The following ENAH variants were observed in gnomAD, a reference collection of about 807,000 sequenced individuals.
ENAH encodes ENAH actin regulator.
ENAH carries 23 observed loss-of-function variants against 78.7 expected under a neutral mutation model. The ratio of observed to expected loss-of-function variants is 0.29; its 90% CI spans 0.21 to 0.41. The LOEUF (loss-of-function observed/expected upper bound fraction) is 0.41. Among genes scored for constraint, ENAH ranks in the 10% least tolerant of loss-of-function variants. The pLI is 1.00. For missense variants in ENAH, 544 were observed against 691.0 expected, an observed-to-expected ratio of 0.79 and a Z score of 2.39; for synonymous variants, 226 against 241.0, an observed-to-expected ratio of 0.94 and a Z score of 0.58.
intron 1 of ENAH, among the ~76,000 whole-genome samples, chr1:225,588,800 T>TC (rs2096860390): frequency 2.3e-5 from 1 of 43,756 alleles, no homozygotes; most frequent in African/African-American, 1.2e-4. Context: ...CAAGTCTGTG[T>TC]CAAAAAAAAA....
In ENAH at chr1:225,495,503, A is replaced by C. The variant is rs2096245784; in HGVS notation, c.*2272T>G. The C allele has an allele frequency of 8.1e-6, 1 of 122,752 alleles. No homozygotes were observed. The allele number at this position is 122,752 out of a possible 1,614,324, so 7.6% of individuals were successfully genotyped here. ...GTCAGTTTACACATACATCATGTTA[A>C]TATTAGACCAAGGCACAAAACGTTT... On this transcript the variant is annotated 3_prime_UTR_variant, in exon 14 of 14. Transcript: ENST00000366843.
At chr1:225,646,341 C>T (rs966763728) in intron 1 of ENAH, among the ~76,000 whole-genome samples, 2 of 152,030 alleles carry the variant, frequency 1.3e-5, no homozygotes, top group African/African-American at 4.8e-5. Context: ...GATTAATGGC[C>T]TTATGAAATG....
chr1:225,538,073 CTGGCTTGA>C (rs2096570792), intron 3 of ENAH, among the ~76,000 whole-genome samples: 1 of 152,148 alleles, frequency 6.6e-6, no homozygotes, highest in South Asian at 2.1e-4. Flanking sequence ...TGCTTAAAGA[CTGGCTTGA>C]ATCTGATTTG....
chr1:225,631,596 C>T (rs55893672), intron 1 of ENAH, among the ~76,000 whole-genome samples: 2 of 142,228 alleles, frequency 1.4e-5, no homozygotes, highest in African/African-American at 5.1e-5. Flanking sequence ...AAAAAAAAGG[C>T]ATAAACTAAT....
chr1:225,591,670 C>T (rs376519361), intron 1 of ENAH, among the ~76,000 whole-genome samples: 12 of 143,742 alleles, frequency 8.3e-5, no homozygotes, highest in African/African-American at 2.9e-4. Flanking sequence ...GAGGCTGAGG[C>T]AGGAGAACTG....
chr1:225,642,308 A>G (rs1283034021), intron 1 of ENAH, among the ~76,000 whole-genome samples: 1 of 151,904 alleles, frequency 6.6e-6, no homozygotes, highest in Admixed American at 6.6e-5. Flanking sequence ...CACCTCCCCC[A>G]CTGACTTTGG....
chr1:225,632,432 A>G (rs1659258280), intron 1 of ENAH, among the ~76,000 whole-genome samples: 1 of 150,600 alleles, frequency 6.6e-6, no homozygotes, highest in South Asian at 2.1e-4. Flanking sequence ...TAGGAGGCGG[A>G]GGCTGCAGAG....
chr1:225,619,270 C>T (rs1656365694), intron 1 of ENAH, among the ~76,000 whole-genome samples: 1 of 152,136 alleles, frequency 6.6e-6, no homozygotes, highest in Non-Finnish European at 1.5e-5. Context: ...TTGCCAATCA[C>T]GGTGGGTCAC....
At chr1:225,651,152 C>T (rs12239864) in intron 1 of ENAH, among the ~76,000 whole-genome samples, 1 of 152,108 alleles carries the variant, frequency 6.6e-6, no homozygotes, top group Admixed American at 6.5e-5. Flanking sequence ...GGTTCGTATG[C>T]TATAATTACT....
chr1:225,530,947 C>T (rs536937625), intron 3 of ENAH: 198 of 406,720 alleles, frequency 4.9e-4, no homozygotes, highest in Admixed American at 1.8e-3. Context: ...GGCACCTAAG[C>T]TTGACAGTTT....
intron 1 of ENAH, chr1:225,652,444 G>A (rs1663194504): frequency 1.0e-6 from 1 of 981,462 alleles, no homozygotes; most frequent in Non-Finnish European, 1.2e-6. Context: ...CTGGGTGAAA[G>A]AAGAGCATTT....
chr1:225,488,974 G>C lies in ENAH; in HGVS notation c.*8801C>G, dbSNP rs1231641576. ...TACATGGATATAGATGGATAAGATG[G>C]AAGATATAAAATAAGAAGGGCAGGA... On this transcript the variant is annotated 3_prime_UTR_variant, in exon 14 of 14. Transcript: ENST00000366843. The C allele has an allele frequency of 6.6e-6, 1 of 152,212 alleles. No individual in the cohort carries two copies. Among genetic ancestry groups the C allele is most frequent in the Non-Finnish European group, 1.5e-5 (1 of 68,048 alleles). The allele number at this position is 152,212 out of a possible 1,614,324, so 9.4% of individuals were successfully genotyped here.
chr1:225,575,665 A>G (rs527879911), intron 1 of ENAH, among the ~76,000 whole-genome samples: 1 of 152,202 alleles, frequency 6.6e-6, no homozygotes, highest in South Asian at 2.1e-4. Flanking sequence ...TCTGTCCTTG[A>G]GAATTCAGAA....
chr1:225,628,138 A>G (rs1658295561), intron 1 of ENAH, among the ~76,000 whole-genome samples: 1 of 152,236 alleles, frequency 6.6e-6, no homozygotes, highest in South Asian at 2.1e-4. Context: ...AGCTCAGCAG[A>G]GCTGTAAATC....
At chr1:225,624,994 T>C (rs779077091) in intron 1 of ENAH, among the ~76,000 whole-genome samples, 1 of 152,208 alleles carries the variant, frequency 6.6e-6, no homozygotes, top group Non-Finnish European at 1.5e-5. Context: ...ATAGAGCTCA[T>C]GGTGGAGAAC....
intron 1 of ENAH, chr1:225,652,459 A>G: frequency 1.0e-6 from 1 of 969,038 alleles, no homozygotes; most frequent in East Asian, 1.1e-4. Context: ...GCATTTGAGG[A>G]AAAATGAGAG....
At chr1:225,586,720 C>T (rs1411121413) in intron 1 of ENAH, among the ~76,000 whole-genome samples, 1 of 151,934 alleles carries the variant, frequency 6.6e-6, no homozygotes, top group Non-Finnish European at 1.5e-5. Flanking sequence ...AGAAGAACAA[C>T]GTAATGCAAA....
At chr1:225,598,804 A>G (rs1173633995) in intron 1 of ENAH, among the ~76,000 whole-genome samples, 1 of 152,144 alleles carries the variant, frequency 6.6e-6, no homozygotes, top group African/African-American at 2.4e-5. Flanking sequence ...AAAGAATAGA[A>G]ATGGAAAATC....
intron 1 of ENAH, among the ~76,000 whole-genome samples, chr1:225,637,043 T>G (rs1660188550): frequency 6.6e-6 from 1 of 152,184 alleles, no homozygotes. Flanking sequence ...CTGGTACCTT[T>G]GGAAAACAAT....
Sources: allele counts gnomAD v4.1 joint callset (sites outside exome capture counted in the v4.1 genomes callset), GRCh38; gene constraint gnomAD v4.1.1; transcripts MANE v1.5; gene names NCBI Gene and HGNC (gene_info 2026-07-23, HGNC 2026-07-21).